Variants in DLEC1 observed in about 807,000 individuals in gnomAD.
DLEC1 encodes DLEC1 cilia and flagella associated protein, also known as deleted in lung and esophageal cancer protein 1.
In DLEC1, 146 loss-of-function variants were observed where a neutral mutation model predicts 198.1. That is an observed-to-expected ratio of 0.74 (90% CI 0.64 to 0.85). The LOEUF (loss-of-function observed/expected upper bound fraction) is 0.85. Among genes scored for constraint, DLEC1 ranks in the 40% least tolerant of loss-of-function variants. The pLI is 0.00. For synonymous variants in DLEC1, 897 were observed against 866.8 expected (o/e 1.03, Z -0.61); for missense variants, 2,233 against 2,220.0 (o/e 1.01, Z -0.12).
intron 6 of DLEC1, 73 bp downstream of exon 6, chr3:38,063,992 TTTTC>T (rs1001493357): frequency 2.9e-6 from 3 of 1,048,990 alleles, no homozygotes; most frequent in African/African-American, 3.6e-5. Flanking sequence ...ATTATGGAAA[TTTTC>T]TTTTTTTTTT....
Position 38,121,751 on chromosome 3 carries a change from G to A in DLEC1, c.4990G>A (p.Gly1664Arg), listed in dbSNP as rs752168761. 36 of 1,613,914 alleles carry A rather than the reference G, an allele frequency of 2.2e-5. No individual in the cohort carries two copies. Among genetic ancestry groups the A allele is most frequent in the East Asian group, 1.3e-4 (6 of 44,900 alleles). Residue 1664 changes from glycine to arginine, a missense_variant, in exon 35 of 37, where the codon GGG becomes AGG. Physicochemically the swap from Gly to Arg is moderately radical, Grantham distance 125 (BLOSUM62 -2). Transcript: ENST00000308059. ...VREVYLMNLSGCRSYWTMLMG... is the reference protein window; with the variant it reads ...VREVYLMNLSRCRSYWTMLMG... Reference sequence around the variant, plus strand: ...GGAGGTCTACCTGATGAACCTGAGCGGGTGCCGAAGCTACTGGACTATGCT... The same window carrying A: ...GGAGGTCTACCTGATGAACCTGAGCAGGTGCCGAAGCTACTGGACTATGCT...
chr3:38,100,137 C>A, intron 18 of DLEC1, 149 bp from the exon 19 acceptor site: 2 of 921,532 alleles, frequency 2.2e-6, no homozygotes, highest in South Asian at 2.0e-5. Context: ...TGTGGTCCCC[C>A]ACCTGCTTGC....
Position 38,062,578 on chromosome 3 carries a change from A to T in DLEC1, c.874-3A>T. 6.2e-7 allele frequency: 1 copy of T among 1,614,144 alleles called. No individual in the cohort carries two copies. Among genetic ancestry groups the T allele is most frequent in the Non-Finnish European group, 8.5e-7 (1 of 1,180,000 alleles). Reference sequence around the variant, plus strand: ...TGACTCTATGCTTTTGTATGTTTCAAAGAAAGCAAGTCAACCAAGGAATAA... The same window carrying T: ...TGACTCTATGCTTTTGTATGTTTCATAGAAAGCAAGTCAACCAAGGAATAA... On this transcript the variant is annotated splice_polypyrimidine_tract_variant and splice_region_variant and intron_variant, in intron 4 of 36. Coordinates refer to ENST00000308059, the MANE Select transcript of DLEC1 (RefSeq NM_007335.4).
At position 38,094,987 on chromosome 3, in the gene DLEC1, G is replaced by A; in HGVS notation, c.2028G>A (p.Glu676=). 1 of 1,614,234 alleles carries A rather than the reference G, an allele frequency of 6.2e-7. No individual in the cohort carries two copies. Among genetic ancestry groups the A allele is most frequent in the Non-Finnish European group, 8.5e-7 (1 of 1,180,042 alleles). The change falls in exon 13 of 37, where the codon GAG becomes GAA. Residue 676 remains glutamate (E), a synonymous_variant. Coordinates refer to ENST00000308059, the MANE Select transcript of DLEC1 (RefSeq NM_007335.4). ...GCATCAAGTGCTACCCCGACAAGGA[G>A]ACTGCCTTCTCCATCATGCCCAGAA... is the stretch of plus-strand genomic sequence containing the variant. The part of the protein sequence containing the change: ...MDSIKCYPDK[E]TAFSIMPRKG...
At chr3:38,069,187 A>T (rs2125630252) in intron 6 of DLEC1, among the ~76,000 whole-genome samples, 1 of 152,248 alleles carries the variant, frequency 6.6e-6, no homozygotes, top group Admixed American at 6.5e-5. Flanking sequence ...ACCTTGTCGA[A>T]CTCTGACTCT....
At chr3:38,113,522 C>G (rs557236007) in intron 25 of DLEC1, among the ~76,000 whole-genome samples, 56 of 105,818 alleles carry the variant, frequency 5.3e-4, no homozygotes, top group African/African-American at 1.5e-3. Flanking sequence ...AAAACCCCTT[C>G]TCTACAAAAA....
rs201078592 is a variant in DLEC1 at position 38,084,220 on chromosome 3, C to T, written c.1236C>T (p.Ser412=). 5.4e-5 allele frequency: 87 copies of T among 1,612,626 alleles called. No individual in the cohort carries two copies. The highest frequency in any genetic ancestry group is 6.6e-5 in the Non-Finnish European group (78 of 1,179,236). Residue 412 remains serine (S), a synonymous_variant, in exon 7 of 37, where the codon TCC becomes TCT. Coordinates refer to ENST00000308059, the MANE Select transcript of DLEC1 (RefSeq NM_007335.4). ...GCTACCTGCGAGTCCTCCCGCCTTC[C>T]ACGCCATACTTCGCTCTGGGACTGG... The part of the protein sequence containing the change: ...TSRYLRVLPP[S]TPYFALGLGM...
rs749363902 is a variant in DLEC1 at position 38,085,466 on chromosome 3, T to C, written c.1435+19T>C. On this transcript the variant is annotated intron_variant, in intron 8 of 36. Transcript: ENST00000308059. ...CTGACATGTGAGTGTGCACCGTAGC[T>C]TCCCACAGATTCAGTTAAGGTTGGA... is the stretch of plus-strand genomic sequence containing the variant. The C allele has an allele frequency of 1.2e-6, 2 of 1,612,124 alleles. No homozygotes were observed. The highest frequency in any genetic ancestry group is 1.7e-6 in the Non-Finnish European group (2 of 1,179,150).
rs1189584047 is a variant in DLEC1, at chr3:38,092,843, G to A, written c.1719G>A (p.Met573Ile). 9 of 1,614,186 alleles carry A rather than the reference G, an allele frequency of 5.6e-6. No homozygotes were observed. The highest frequency in any genetic ancestry group is 6.8e-6 in the Non-Finnish European group (8 of 1,180,036). The change falls in exon 11 of 37, where the codon ATG (methionine) becomes ATA (isoleucine). Residue 573 changes from methionine to isoleucine, a missense_variant. Physicochemically the swap from Met to Ile is conservative, Grantham distance 10 (BLOSUM62 1). Transcript: ENST00000308059. ...AGGCAGAGCAGACCTTCATCATCATGTGCGACAACTGCCAGATAAAGGAGC... is the reference window on the plus strand; with the variant it reads ...AGGCAGAGCAGACCTTCATCATCATATGCGACAACTGCCAGATAAAGGAGC... The part of the protein sequence containing the change: ...LGKAEQTFII[M>I]CDNCQIKELV...
At chr3:38,079,645 T>G (rs1697851197) in intron 6 of DLEC1, among the ~76,000 whole-genome samples, 1 of 152,172 alleles carries the variant, frequency 6.6e-6, no homozygotes, top group Non-Finnish European at 1.5e-5. Context: ...CAGTCCGATT[T>G]CCAGTGGGGT....
At chr3:38,115,132 G>A in intron 27 of DLEC1, 79 bp downstream of exon 27, 1 of 1,521,688 alleles carries the variant, frequency 6.6e-7, no homozygotes, top group South Asian at 1.2e-5. Context: ...GGGAAGGTGG[G>A]AGGGAAGCCG....
chr3:38,120,653 G>C, intron 34 of DLEC1, 44 bp downstream of exon 34: 1 of 1,609,834 alleles, frequency 6.2e-7, no homozygotes, highest in East Asian at 2.2e-5. Flanking sequence ...GTGGAAGTGG[G>C]CTGGGCTGTG....
At chr3:38,117,349 A>T (rs764120548) in intron 31 of DLEC1, 47 bp downstream of exon 31, 1 of 1,608,368 alleles carries the variant, frequency 6.2e-7, no homozygotes, top group Admixed American at 1.7e-5. Context: ...CATGGGGTGC[A>T]CCCTCACCAG....
In DLEC1 at chr3:38,072,774, G is replaced by A. The variant is rs576889336; in HGVS notation, c.1173+8855G>A. On this transcript the variant is annotated intron_variant, in intron 6 of 36. Transcript: ENST00000308059. The stretch of plus-strand genomic sequence containing the variant: ...TAGTCGGGCACGATTGGCAGGGAGA[G>A]CACGTGTGTTTTTATGAAGAATTAT... Among the ~76,000 whole-genome samples the A allele has an allele frequency of 1.6e-4, 25 of 152,306 alleles. No individual in the cohort carries two copies. The South Asian group carries it at 5.2e-3, about 32-fold the overall frequency.
At position 38,086,262 on chromosome 3, in the gene DLEC1, G is replaced by A. The variant is rs1698448719; in HGVS notation, c.1457G>A (p.Gly486Asp). The A allele has an allele frequency of 1.9e-6, 3 of 1,612,700 alleles. No homozygotes were observed. The highest frequency in any genetic ancestry group is 2.5e-6 in the Non-Finnish European group (3 of 1,179,260). ...ACAGTGTCACCGGTGTTGGACTGTG[G>A]TTACTGCCTCATTGGGGGAGTCAAG... Reference protein sequence around the residue: ...VLTLSPVLDCGYCLIGGVKMT... With the variant: ...VLTLSPVLDCDYCLIGGVKMT... Residue 486 changes from glycine (G) to aspartate (D), a missense_variant, in exon 9 of 37, where the codon GGT (glycine) becomes GAT (aspartate). By Grantham distance (94) the Gly-to-Asp change is moderately conservative (BLOSUM62 -1). Transcript: ENST00000308059.
At chr3:38,104,745 T>G (rs187769159) in intron 19 of DLEC1, among the ~76,000 whole-genome samples, 87 of 152,334 alleles carry the variant, frequency 5.7e-4, no homozygotes, top group African/African-American at 2.1e-3. Flanking sequence ...AACCAGCTTT[T>G]GCTTTTGTTG....
In DLEC1 at chr3:38,105,463, T is replaced by C. The variant is rs116013489; in HGVS notation, c.2865-2121T>C. Among the ~76,000 whole-genome samples the C allele has an allele frequency of 2.1e-3, 319 of 152,288 alleles. 2 individuals carry two copies. The highest frequency in any genetic ancestry group is 7.4e-3 in the African/African-American group (309 of 41,578). On this transcript the variant is annotated intron_variant, in intron 19 of 36. Coordinates refer to ENST00000308059, the MANE Select transcript of DLEC1 (RefSeq NM_007335.4). ...TTTTGTGGTGCTGTTGTTAGATACA[T>C]ACATGTTTATAATTGTTATATCTTT... is the stretch of plus-strand genomic sequence containing the variant.
At chr3:38,116,400 G>C in intron 27 of DLEC1, 53 bp from the exon 28 acceptor site, 2 of 1,598,498 alleles carry the variant, frequency 1.3e-6, no homozygotes, top group East Asian at 2.3e-5. Context: ...GGGGCCCCGG[G>C]GGGTTGTCTG....
intron 7 of DLEC1, among the ~76,000 whole-genome samples, chr3:38,084,610 A>AGTGGTGGTG (rs1559431043): frequency 8.9e-5 from 2 of 22,506 alleles, no homozygotes; most frequent in South Asian, 1.3e-3. Context: ...TAGCAGTAGC[A>AGTGGTGGTG]GTAGCAGTAC....
Sources: allele counts gnomAD v4.1 joint callset (sites outside exome capture counted in the v4.1 genomes callset), GRCh38; gene constraint gnomAD v4.1.1; transcripts MANE v1.5; gene names NCBI Gene and HGNC (gene_info 2026-07-23, HGNC 2026-07-21).